Variants in PABPC4L observed in about 807,000 individuals in gnomAD.
The protein encoded by PABPC4L is polyadenylate-binding protein 4-like.
For synonymous variants in PABPC4L, 169 were observed against 164.1 expected, an observed-to-expected ratio of 1.03 and a Z score of -0.23; for missense variants, 452 against 451.4, an observed-to-expected ratio of 1.00 and a Z score of -0.01.
At chr4:134,133,299 T>A in the PABPC4L span, among the ~76,000 whole-genome samples, 40 of 140,962 alleles carry the variant, frequency 2.8e-4, no homozygotes, top group African/African-American at 9.9e-4. Context: ...GATATATTAA[T>A]TATATACAAA....
chr4:133,958,001 C>A, the PABPC4L span, among the ~76,000 whole-genome samples: 1 of 152,196 alleles, frequency 6.6e-6, no homozygotes, highest in African/African-American at 2.4e-5. Context: ...AGACCTCTGA[C>A]GCCCTGCAGA....
chr4:134,141,312 A>T, the PABPC4L span, among the ~76,000 whole-genome samples: 2 of 151,532 alleles, frequency 1.3e-5, no homozygotes, highest in Non-Finnish European at 3.0e-5. Flanking sequence ...AGAACTGGTA[A>T]GCAAAATTTA....
chr4:134,125,257 C>T, the PABPC4L span, among the ~76,000 whole-genome samples: 1 of 152,132 alleles, frequency 6.6e-6, no homozygotes. Flanking sequence ...TTTATTTAGT[C>T]ACTTGCCTGC....
the PABPC4L span, among the ~76,000 whole-genome samples, chr4:134,102,394 C>T: frequency 2.0e-5 from 3 of 151,438 alleles, no homozygotes; most frequent in East Asian, 5.8e-4. Flanking sequence ...ATAAGAATCA[C>T]CTAGGACATT....
At chr4:133,965,820 T>C in the PABPC4L span, among the ~76,000 whole-genome samples, 1 of 152,020 alleles carries the variant, frequency 6.6e-6, no homozygotes, top group Admixed American at 6.6e-5. Flanking sequence ...AAAAATCAAC[T>C]CAAGATGGAT....
At chr4:134,014,913 C>G in the PABPC4L span, among the ~76,000 whole-genome samples, 2 of 152,048 alleles carry the variant, frequency 1.3e-5, no homozygotes, top group African/African-American at 2.4e-5. Flanking sequence ...TTAGTTATCC[C>G]CACCTGCCCA....
At chr4:134,115,839 A>T in the PABPC4L span, among the ~76,000 whole-genome samples, 1 of 151,942 alleles carries the variant, frequency 6.6e-6, no homozygotes, top group Admixed American at 6.6e-5. Flanking sequence ...ATTTTCAATT[A>T]TTATCACATC....
At chr4:133,953,118 G>A in the PABPC4L span, among the ~76,000 whole-genome samples, 9 of 152,034 alleles carry the variant, frequency 5.9e-5, no homozygotes, top group Non-Finnish European at 1.3e-4. Flanking sequence ...ATTCATAAAG[G>A]GGATCACATT....
chr4:134,158,153 T>C, the PABPC4L span, among the ~76,000 whole-genome samples: 1 of 151,920 alleles, frequency 6.6e-6, no homozygotes, highest in Non-Finnish European at 1.5e-5. Flanking sequence ...TCCCTACAAA[T>C]CTGATTTGAA....
chr4:134,133,853 C>A, the PABPC4L span, among the ~76,000 whole-genome samples: 4 of 151,790 alleles, frequency 2.6e-5, no homozygotes, highest in African/African-American at 9.7e-5. Flanking sequence ...ATTTCTTTGA[C>A]TGGGACTAGG....
the PABPC4L span, among the ~76,000 whole-genome samples, chr4:134,104,663 T>A: frequency 6.6e-6 from 1 of 151,720 alleles, no homozygotes; most frequent in Admixed American, 6.6e-5. Context: ...AGTTCTCAAA[T>A]ATTTGTAAAT....
At chr4:134,111,566 C>T in the PABPC4L span, among the ~76,000 whole-genome samples, 10 of 151,892 alleles carry the variant, frequency 6.6e-5, no homozygotes, top group East Asian at 1.9e-3. Context: ...ATTGCATTGA[C>T]CACACAGAAA....
chr4:134,021,615 G>A, the PABPC4L span, among the ~76,000 whole-genome samples: 5 of 152,308 alleles, frequency 3.3e-5, no homozygotes, highest in African/African-American at 9.6e-5. Flanking sequence ...GTAGGACACA[G>A]AGGTGTCTAG....
chr4:134,009,877 A>T, the PABPC4L span, among the ~76,000 whole-genome samples: 2 of 152,076 alleles, frequency 1.3e-5, no homozygotes, highest in Non-Finnish European at 2.9e-5. Context: ...TTCTACATTG[A>T]AAAGGGTATT....
chr4:133,977,780 G>A, the PABPC4L span, among the ~76,000 whole-genome samples: 60 of 152,250 alleles, frequency 3.9e-4, 1 homozygote, highest in South Asian at 7.5e-3. Context: ...CCAATAAATT[G>A]TAATCTCAAT....
chr4:133,964,203 T>G, the PABPC4L span, among the ~76,000 whole-genome samples: 2 of 151,914 alleles, frequency 1.3e-5, no homozygotes, highest in Non-Finnish European at 2.9e-5. Context: ...TTTCTGCACA[T>G]AAACTTGAAA....
In PABPC4L at chr4:134,199,895, C is replaced by G; in HGVS notation, c.*12G>C. On this transcript the variant is annotated 3_prime_UTR_variant, in exon 2 of 2. Coordinates refer to ENST00000421491, the MANE Select transcript of PABPC4L (RefSeq NM_001114734.2). ...GCTGCAGATACTAGCTGGAAAGGTA[C>G]GTTTTTCTTTCCTAGTGTCTCTGGG... 1 of 1,549,754 alleles carries G rather than the reference C, an allele frequency of 6.5e-7. No homozygotes were observed. Among genetic ancestry groups the G allele is most frequent in the Non-Finnish European group, 8.7e-7 (1 of 1,146,498 alleles).
At chr4:134,189,517 G>GTA in the PABPC4L span, among the ~76,000 whole-genome samples, 2 of 151,658 alleles carry the variant, frequency 1.3e-5, no homozygotes, top group South Asian at 2.1e-4. Context: ...GTATATGTGT[G>GTA]TATATATATA....
At chr4:133,967,840 C>G in the PABPC4L span, among the ~76,000 whole-genome samples, 2 of 152,098 alleles carry the variant, frequency 1.3e-5, no homozygotes. Context: ...AATGTGATGC[C>G]AAGCAACTTT....
Sources: gnomAD v4.1 joint callset for allele counts (sites outside exome capture counted in the v4.1 genomes callset) on GRCh38, gnomAD v4.1.1 for gene constraint, MANE v1.5 for transcripts, NCBI Gene and HGNC (gene_info 2026-07-23, HGNC 2026-07-21) for gene names.